INSYN2B: variants seen among roughly 807,000 people sequenced by gnomAD.
The protein encoded by INSYN2B is inhibitory synaptic factor family member 2B, also known as protein INSYN2B.
In INSYN2B, 16 loss-of-function variants were observed where a neutral mutation model predicts 41.2. That is an observed-to-expected ratio of 0.39 (90% confidence interval 0.26 to 0.59). INSYN2B has a LOEUF of 0.59. INSYN2B is among the 20% of genes least tolerant of loss of function. INSYN2B has a pLI of 0.57. For missense variants in INSYN2B, 608 were observed against 646.4 expected (o/e 0.94, Z 0.64); for synonymous variants, 245 against 244.4 (o/e 1.00, Z -0.02).
intron 1 of INSYN2B, among the ~76,000 whole-genome samples, chr5:169,912,736 A>G (rs1437074514): frequency 2.0e-5 from 3 of 152,090 alleles, no homozygotes; most frequent in African/African-American, 7.2e-5. Flanking sequence ...GTCCAATGCC[A>G]TGTAGTTTTT....
intron 1 of INSYN2B, among the ~76,000 whole-genome samples, chr5:169,932,083 G>A (rs1775781302): frequency 6.6e-6 from 1 of 152,186 alleles, no homozygotes; most frequent in Admixed American, 6.5e-5. Flanking sequence ...AAACAAAGAA[G>A]ATACAACATC....
chr5:169,960,186 GTGTA>G (rs968656590), intron 1 of INSYN2B, among the ~76,000 whole-genome samples: 3 of 152,328 alleles, frequency 2.0e-5, no homozygotes, highest in Non-Finnish European at 4.4e-5. Context: ...ATTTCCACCA[GTGTA>G]TAGTTCCAGA....
chr5:169,964,018 A>C lies in INSYN2B; in HGVS notation c.-919+16259T>G, dbSNP rs565838263. Among the ~76,000 whole-genome samples the C allele has an allele frequency of 1.3e-3, 199 of 152,224 alleles. 1 individual carries two copies. Among genetic ancestry groups the C allele is most frequent in the Middle Eastern group, 3.4e-3 (1 of 294 alleles). On this transcript the variant is annotated intron_variant, in intron 1 of 3. Transcript: ENST00000377365. ...AAAGTCCTACCCTCATGGAAGTGGCAGGATTGGGGGAGGGAGAAGGGGGAG... is the reference window on the plus strand; with the variant it reads ...AAAGTCCTACCCTCATGGAAGTGGCCGGATTGGGGGAGGGAGAAGGGGGAG...
At chr5:169,960,026 G>C (rs1777022002) in intron 1 of INSYN2B, among the ~76,000 whole-genome samples, 1 of 152,172 alleles carries the variant, frequency 6.6e-6, no homozygotes, top group Non-Finnish European at 1.5e-5. Context: ...CAGAGTGTCG[G>C]ATCTCAGGCT....
At chr5:169,894,477 G>A (rs1365016110) in intron 1 of INSYN2B, among the ~76,000 whole-genome samples, 1 of 152,200 alleles carries the variant, frequency 6.6e-6, no homozygotes, top group East Asian at 1.9e-4. Flanking sequence ...CCCTGGTACA[G>A]CAAAGCATTG....
At chr5:169,956,656 T>C (rs1214805912) in intron 1 of INSYN2B, among the ~76,000 whole-genome samples, 5 of 152,228 alleles carry the variant, frequency 3.3e-5, no homozygotes, top group Non-Finnish European at 2.9e-5. Flanking sequence ...TTAAAATGCA[T>C]TGGAGTGTTC....
intron 1 of INSYN2B, among the ~76,000 whole-genome samples, chr5:169,885,163 T>A (rs1475085111): frequency 6.6e-6 from 1 of 152,214 alleles, no homozygotes; most frequent in East Asian, 1.9e-4. Flanking sequence ...CCATTGTACA[T>A]CCTCGTCACA....
At chr5:169,868,081 C>G (rs537656805) in intron 3 of INSYN2B, among the ~76,000 whole-genome samples, 1 of 152,112 alleles carries the variant, frequency 6.6e-6, no homozygotes, top group Admixed American at 6.5e-5. Context: ...AGAGTGGGTA[C>G]CCCCTCTAAG....
chr5:169,909,216 T>C (rs1030912873), intron 1 of INSYN2B, among the ~76,000 whole-genome samples: 3 of 152,316 alleles, frequency 2.0e-5, no homozygotes, highest in Non-Finnish European at 2.9e-5. Flanking sequence ...CACATGAAGC[T>C]ATCTAAATTT....
chr5:169,962,509 T>C (rs1318480353), intron 1 of INSYN2B, among the ~76,000 whole-genome samples: 1 of 152,114 alleles, frequency 6.6e-6, no homozygotes, highest in Non-Finnish European at 1.5e-5. Context: ...GAGTTTGAGA[T>C]GCCTGCAAAC....
intron 3 of INSYN2B, among the ~76,000 whole-genome samples, chr5:169,876,225 T>A (rs1772325338): frequency 6.6e-6 from 1 of 152,204 alleles, no homozygotes; most frequent in South Asian, 2.1e-4. Flanking sequence ...GCTCTCCTCC[T>A]TTGAAGTCCT....
intron 3 of INSYN2B, among the ~76,000 whole-genome samples, chr5:169,866,834 A>G (rs951516266): frequency 6.6e-6 from 1 of 152,238 alleles, no homozygotes; most frequent in African/African-American, 2.4e-5. Context: ...GAAGACTTCT[A>G]TGACCAAATG....
chr5:169,929,958 C>T (rs989158801), intron 1 of INSYN2B, among the ~76,000 whole-genome samples: 3 of 152,018 alleles, frequency 2.0e-5, no homozygotes, highest in Non-Finnish European at 4.4e-5. Context: ...GCTAATGTGA[C>T]TGAAGAATAG....
chr5:169,891,236 A>G (rs1428200181), intron 1 of INSYN2B, among the ~76,000 whole-genome samples: 1 of 151,998 alleles, frequency 6.6e-6, no homozygotes, highest in Non-Finnish European at 1.5e-5. Context: ...TCTCCAGGAG[A>G]CACTCCCTGA....
At chr5:169,947,980 G>C (rs1405421495) in intron 1 of INSYN2B, among the ~76,000 whole-genome samples, 1 of 152,200 alleles carries the variant, frequency 6.6e-6, no homozygotes, top group Admixed American at 6.5e-5. Context: ...GCCAGAAGCA[G>C]GGTCAGGATT....
At chr5:169,930,438 G>A (rs1775696184) in intron 1 of INSYN2B, among the ~76,000 whole-genome samples, 1 of 152,116 alleles carries the variant, frequency 6.6e-6, no homozygotes, top group Non-Finnish European at 1.5e-5. Flanking sequence ...GTGTCCTCTG[G>A]GATGACATTT....
chr5:169,930,279 C>T (rs536067811), intron 1 of INSYN2B, among the ~76,000 whole-genome samples: 6 of 152,234 alleles, frequency 3.9e-5, no homozygotes, highest in African/African-American at 1.2e-4. Context: ...CTTGAGCCAC[C>T]GCACCTGGCC....
At chr5:169,968,531 C>A (rs778395574) in intron 1 of INSYN2B, among the ~76,000 whole-genome samples, 1 of 152,142 alleles carries the variant, frequency 6.6e-6, no homozygotes, top group Non-Finnish European at 1.5e-5. Flanking sequence ...TCAGGGGGCC[C>A]AAGTGTTCTT....
intron 1 of INSYN2B, among the ~76,000 whole-genome samples, chr5:169,937,389 G>GCCCACATCCAAATC: frequency 6.6e-6 from 1 of 152,272 alleles, no homozygotes; most frequent in East Asian, 1.9e-4. Context: ...CACATCCCTG[G>GCCCACATCCAAATC]CCTATGATTT....
Sources: allele counts gnomAD v4.1 joint callset (sites outside exome capture counted in the v4.1 genomes callset), GRCh38; gene constraint gnomAD v4.1.1; transcripts MANE v1.5; gene names NCBI Gene and HGNC (gene_info 2026-07-23, HGNC 2026-07-21).